Variants in BSG observed in about 807,000 individuals in gnomAD.
BSG encodes the protein basigin (Ok blood group), also known as basigin.
A neutral mutation model predicts 43.1 loss-of-function variants in BSG; 37 were observed. The observed-to-expected ratio is 0.86, with a 90% CI of 0.66 to 1.13. BSG has a LOEUF of 1.13. Ranked by LOEUF, BSG falls within the 50% of genes most tolerant of loss-of-function variation. The pLI, the probability that BSG is intolerant of heterozygous loss-of-function variation, is 0.00. For synonymous variants in BSG, 309 were observed against 238.7 expected, an observed-to-expected ratio of 1.29 and a Z score of -2.72; for missense variants, 599 against 554.2, an observed-to-expected ratio of 1.08 and a Z score of -0.81.
rs1600493301 is a variant in BSG at position 579,839 on chromosome 19, T to C, written c.572+183T>C. ...GGGAGGGGTCTGAGGGGCGTCCTTG[T>C]GAGGCAGGGGGCTCCAGCAGCCCTG... On this transcript the variant is annotated intron_variant, in intron 3 of 8. Coordinates refer to ENST00000333511, the MANE Select transcript of BSG (RefSeq NM_001728.4). 3.3e-6 allele frequency: 3 copies of C among 916,906 alleles called. No homozygotes were observed. In the East Asian group the frequency reaches 8.4e-5, roughly 26 times the overall value. 56.8% of individuals were successfully genotyped at this position (916,906 alleles called of 1,614,324 possible). A position where few individuals can be genotyped will look rare whatever the true frequency, so the allele number is the denominator to read the frequency against.
intron 3 of BSG, chr19:579,994 C>T: frequency 2.3e-6 from 1 of 427,664 alleles, no homozygotes; most frequent in Non-Finnish European, 4.2e-6. Context: ...CACACTGAGG[C>T]ATGCCCTGCT....
chr19:576,182 TTC>T, intron 1 of BSG, among the ~76,000 whole-genome samples: 1 of 152,218 alleles, frequency 6.6e-6, no homozygotes, highest in East Asian at 1.9e-4. Context: ...CCTCCTCACT[TTC>T]CTGTGTGCCC....
Position 578,800 on chromosome 19 carries a change from G to A in BSG, c.415+679G>A, listed in dbSNP as rs372040583. ...AGGTGGAGTGTGGTGGCACAATCTC[G>A]GCTCACTGCAACTTCCGCCTCCCGG... On this transcript the variant is annotated intron_variant, in intron 2 of 8. Transcript: ENST00000333511. 3.5e-5 allele frequency: 12 copies of A among 344,740 alleles called. 1 individual carries two copies. The East Asian group carries it at 4.0e-4, about 12-fold the overall frequency. 21.4% of individuals were successfully genotyped at this position (344,740 alleles called of 1,614,324 possible). A position where few individuals can be genotyped will look rare whatever the true frequency, so the allele number is the denominator to read the frequency against.
intron 2 of BSG, 101 bp downstream of exon 2, chr19:578,222 T>G: frequency 1.7e-6 from 2 of 1,209,002 alleles, no homozygotes; most frequent in Non-Finnish European, 2.2e-6. Flanking sequence ...TCCTCCCCTC[T>G]CCGTCCCGCT....
intron 1 of BSG, among the ~76,000 whole-genome samples, chr19:575,604 G>A (rs553790377): frequency 4.4e-4 from 66 of 150,806 alleles, no homozygotes; most frequent in South Asian, 1.5e-3. Flanking sequence ...GAGCACTGGG[G>A]TGGGTGGGGA....
At chr19:572,595 C>T (rs869216255), upstream of BSG, 3 of 1,451,170 alleles carry the variant, frequency 2.1e-6, no homozygotes, top group South Asian at 2.8e-5. Flanking sequence ...GCGGCGGCGG[C>T]AGCGGTTGGA....
At chr19:579,809 C>A in intron 3 of BSG, 153 bp downstream of exon 3, 1 of 1,249,696 alleles carries the variant, frequency 8.0e-7, no homozygotes, top group Non-Finnish European at 1.1e-6. Flanking sequence ...CAGAGGGAAA[C>A]CCCAGGGAGG....
At position 580,718 on chromosome 19, in the gene BSG, A is replaced by G; in HGVS notation, c.728A>G (p.Lys243Arg). 1 of 1,612,894 alleles carries G rather than the reference A, an allele frequency of 6.2e-7. No individual in the cohort carries two copies. The highest frequency in any genetic ancestry group is 8.5e-7 in the Non-Finnish European group (1 of 1,179,972). ...NEGETAMLVC[K>R]SESVPPVTDW... ...GGGGAGACGGCCATGCTGGTCTGCAAGTCAGAGTCCGTGCCACCTGTCACT... is the reference window on the plus strand; with the variant it reads ...GGGGAGACGGCCATGCTGGTCTGCAGGTCAGAGTCCGTGCCACCTGTCACT... Residue 243 changes from lysine (K) to arginine (R), a missense_variant, in exon 5 of 9, where the codon AAG (lysine) becomes AGG (arginine). Transcript: ENST00000333511.
intron 1 of BSG, among the ~76,000 whole-genome samples, chr19:574,519 C>T (rs1413918606): frequency 1.3e-5 from 2 of 151,880 alleles, no homozygotes; most frequent in East Asian, 1.9e-4. Flanking sequence ...CGCCATTGCA[C>T]TCCAGCCTGG....
In BSG at chr19:576,628, G is replaced by A. The variant is rs139995866; in HGVS notation, c.68-1146G>A. Among the ~76,000 whole-genome samples the A allele has an allele frequency of 7.2e-4, 110 of 152,286 alleles. 1 individual carries two copies. The East Asian group carries it at 0.018, about 24-fold the overall frequency. On this transcript the variant is annotated intron_variant, in intron 1 of 8. Transcript: ENST00000333511. ...TACAAAATATTAGCTGAGTGTGGTG[G>A]CAGGCACCTGTAATCCCAGCTACTT...
chr19:581,506 C>T lies in BSG; in HGVS notation c.984C>T (p.Phe328=), dbSNP rs1455957387. The T allele has an allele frequency of 1.3e-6, 2 of 1,597,976 alleles. No homozygotes were observed. The highest frequency in any genetic ancestry group is 1.7e-5 in the Admixed American group (1 of 57,336). Residue 328 remains phenylalanine, a synonymous_variant, in exon 6 of 9, where the codon TTC becomes TTT. Transcript: ENST00000333511. ...VRSHLAALWP[F]LGIVAEVLVL... ...GCCACCTGGCCGCCCTCTGGCCCTT[C>T]CTGGGCATCGTGGCTGAGGTGCTGG...
chr19:579,755 G>A, intron 3 of BSG, 99 bp downstream of exon 3: 1 of 1,483,474 alleles, frequency 6.7e-7, no homozygotes. Context: ...CGGTCGGCAG[G>A]CTTGATCCAG....
Position 581,386 on chromosome 19 carries a change from G to C in BSG, c.864G>C (p.Glu288Asp), listed in dbSNP as rs767640697. ...SSQGRSELHIENLNMEADPGQ... is the reference protein window; with the variant it reads ...SSQGRSELHIDNLNMEADPGQ... ...AGGGCCGGTCAGAGCTACACATTGA[G>C]AACCTGAACATGGAGGCCGACCCCG... The change falls in exon 6 of 9, where the codon GAG (glutamate) becomes GAC (aspartate). Residue 288 changes from glutamate to aspartate, a missense_variant. Physicochemically the swap from Glu to Asp is conservative, Grantham distance 45. Coordinates refer to ENST00000333511, the MANE Select transcript of BSG (RefSeq NM_001728.4). 6 of 1,612,840 alleles carry C rather than the reference G, an allele frequency of 3.7e-6. No individual in the cohort carries two copies. The Admixed American group carries it at 1.0e-4, about 27-fold the overall frequency.
At chr19:577,146 C>T (rs571648795) in intron 1 of BSG, among the ~76,000 whole-genome samples, 8 of 152,282 alleles carry the variant, frequency 5.3e-5, no homozygotes, top group East Asian at 3.9e-4. Context: ...TGCTCCTTGG[C>T]AGCTCTGGGG....
upstream of BSG, chr19:571,808 C>A: frequency 1.7e-6 from 1 of 573,158 alleles, no homozygotes; most frequent in Non-Finnish European, 3.1e-6. Context: ...TGGACGCCCA[C>A]AATCTAAGCT....
chr19:582,191 G>A (rs1982384491), intron 6 of BSG, 115 bp from the exon 7 acceptor site: 13 of 1,427,596 alleles, frequency 9.1e-6, no homozygotes, highest in Non-Finnish European at 1.2e-5. Flanking sequence ...GCCACCCCTG[G>A]GGGTCACTGA....
At chr19:573,315 C>T (rs1981454394) in intron 1 of BSG, among the ~76,000 whole-genome samples, 1 of 152,120 alleles carries the variant, frequency 6.6e-6, no homozygotes, top group East Asian at 1.9e-4. Context: ...GTGTTAGGGT[C>T]AGAGACCCTC....
At chr19:575,686 GCC>G (rs1240742829) in intron 1 of BSG, among the ~76,000 whole-genome samples, 1 of 148,596 alleles carries the variant, frequency 6.7e-6, no homozygotes, top group Admixed American at 6.6e-5. Flanking sequence ...GGCCTGCCTG[GCC>G]CTGAGCCCTG....
chr19:572,404 A>G (rs927615177), upstream of BSG: 1 of 985,300 alleles, frequency 1.0e-6, no homozygotes, highest in Non-Finnish European at 1.2e-6. Flanking sequence ...ACGCCGGGTC[A>G]CGTGCGCCGC....
Sources: allele counts gnomAD v4.1 joint callset (sites outside exome capture counted in the v4.1 genomes callset), GRCh38; gene constraint gnomAD v4.1.1; transcripts MANE v1.5; gene names NCBI Gene and HGNC (gene_info 2026-07-23, HGNC 2026-07-21).